GALNT13: variants seen among roughly 807,000 people sequenced by gnomAD.
GALNT13 encodes the protein polypeptide N-acetylgalactosaminyltransferase 13, also known as UDP-GalNAc:polypeptide N-acetylgalactosaminyltransferase 13.
Under a neutral mutation model 64.2 loss-of-function variants are expected in GALNT13, and 28 were observed. The ratio of observed to expected loss-of-function variants is 0.44; its 90% CI spans 0.32 to 0.60. The LOEUF is 0.60. GALNT13 is among the 20% of genes least tolerant of loss of function. GALNT13 has a pLI of 0.05. For synonymous variants in GALNT13, 214 were observed against 224.6 expected (o/e 0.95, Z 0.42); for missense variants, 577 against 669.8 (o/e 0.86, Z 1.53).
chr2:153,780,187 A>G, the GALNT13 span, among the ~76,000 whole-genome samples: 2 of 148,990 alleles, frequency 1.3e-5, no homozygotes, highest in East Asian at 4.1e-4. Flanking sequence ...CCTAGGTAAC[A>G]TAATCTTCTT....
the GALNT13 span, among the ~76,000 whole-genome samples, chr2:153,161,078 C>T: frequency 6.6e-6 from 1 of 152,176 alleles, no homozygotes; most frequent in African/African-American, 2.4e-5. Flanking sequence ...TTGTTCTAGA[C>T]TTATTCCAAC....
chr2:153,947,099 T>G (rs953180607), intron 3 of GALNT13, among the ~76,000 whole-genome samples: 1 of 152,076 alleles, frequency 6.6e-6, no homozygotes, highest in African/African-American at 2.4e-5. Flanking sequence ...GTCTAAATTT[T>G]AAACAATTCC....
At chr2:154,346,764 A>G (rs1420844560) in intron 9 of GALNT13, among the ~76,000 whole-genome samples, 1 of 152,118 alleles carries the variant, frequency 6.6e-6, no homozygotes, top group Non-Finnish European at 1.5e-5. Flanking sequence ...TTCACATAGA[A>G]CACTATATTC....
chr2:154,247,632 A>G (rs1689849864), intron 7 of GALNT13, among the ~76,000 whole-genome samples: 2 of 152,096 alleles, frequency 1.3e-5, no homozygotes, highest in African/African-American at 4.8e-5. Context: ...CTATGTAGAA[A>G]TCAATCATTA....
the GALNT13 span, among the ~76,000 whole-genome samples, chr2:153,631,953 A>T: frequency 6.6e-6 from 1 of 152,142 alleles, no homozygotes; most frequent in African/African-American, 2.4e-5. Flanking sequence ...TAAACCAATA[A>T]TATCAGTAGT....
chr2:153,643,887 A>C, the GALNT13 span, among the ~76,000 whole-genome samples: 2 of 151,994 alleles, frequency 1.3e-5, no homozygotes, highest in Non-Finnish European at 2.9e-5. Flanking sequence ...CTTCACTATA[A>C]AAAATTTTGG....
chr2:153,627,553 A>C, the GALNT13 span, among the ~76,000 whole-genome samples: 1 of 152,126 alleles, frequency 6.6e-6, no homozygotes, highest in Non-Finnish European at 1.5e-5. Flanking sequence ...TAATGTTCCC[A>C]ACACAACATA....
At chr2:153,288,496 G>A in the GALNT13 span, among the ~76,000 whole-genome samples, 14 of 152,224 alleles carry the variant, frequency 9.2e-5, no homozygotes, top group African/African-American at 2.4e-4. Flanking sequence ...GTCCCATTCC[G>A]TCCTGTCTGG....
At chr2:154,121,989 A>G (rs937986794) in intron 3 of GALNT13, among the ~76,000 whole-genome samples, 1 of 152,046 alleles carries the variant, frequency 6.6e-6, no homozygotes, top group Non-Finnish European at 1.5e-5. Context: ...TTTTGTAAAC[A>G]TTTTTATTCA....
chr2:153,379,945 A>G, the GALNT13 span, among the ~76,000 whole-genome samples: 1 of 152,184 alleles, frequency 6.6e-6, no homozygotes, highest in Non-Finnish European at 1.5e-5. Context: ...ATATTCTGGT[A>G]GAAAAAGGAA....
chr2:153,439,269 G>A, the GALNT13 span, among the ~76,000 whole-genome samples: 411 of 152,310 alleles, frequency 2.7e-3, 19 homozygotes, highest in East Asian at 0.073. Context: ...AGGTGTCAGG[G>A]ACCCACTTGA....
chr2:153,075,740 T>C, the GALNT13 span, among the ~76,000 whole-genome samples: 1 of 152,166 alleles, frequency 6.6e-6, no homozygotes, highest in East Asian at 1.9e-4. Context: ...CCTTGTGTCC[T>C]CCAGCTTATT....
the GALNT13 span, among the ~76,000 whole-genome samples, chr2:153,114,787 A>G: frequency 6.6e-6 from 1 of 152,084 alleles, no homozygotes; most frequent in Non-Finnish European, 1.5e-5. Context: ...GAGTTTACCA[A>G]TGAATTTCAA....
the GALNT13 span, among the ~76,000 whole-genome samples, chr2:153,132,008 C>A: frequency 1.5e-4 from 23 of 152,238 alleles, no homozygotes; most frequent in African/African-American, 5.5e-4. Context: ...GAGCCTTAGT[C>A]AATGATACAG....
the GALNT13 span, among the ~76,000 whole-genome samples, chr2:153,112,875 A>G: frequency 1.3e-4 from 20 of 152,098 alleles, no homozygotes; most frequent in African/African-American, 4.8e-4. Flanking sequence ...ATAAGAAGGC[A>G]TGGAAAACAA....
chr2:154,405,078 A>G (rs935779713), intron 10 of GALNT13, among the ~76,000 whole-genome samples: 13 of 152,310 alleles, frequency 8.5e-5, no homozygotes, highest in Admixed American at 3.3e-4. Flanking sequence ...GCACACCAGT[A>G]CTTTATGCTC....
chr2:154,154,329 T>G (rs1470987896), intron 4 of GALNT13, among the ~76,000 whole-genome samples: 1 of 152,204 alleles, frequency 6.6e-6, no homozygotes, highest in African/African-American at 2.4e-5. Flanking sequence ...ATGTGAGGCC[T>G]GTGAGAGGAG....
the GALNT13 span, among the ~76,000 whole-genome samples, chr2:153,238,782 T>C: frequency 1.3e-5 from 2 of 152,128 alleles, no homozygotes; most frequent in African/African-American, 2.4e-5. Context: ...ATGTGATTCC[T>C]CCAGTTTTGC....
chr2:153,804,510 G>A, the GALNT13 span, among the ~76,000 whole-genome samples: 9 of 152,162 alleles, frequency 5.9e-5, no homozygotes, highest in African/African-American at 1.7e-4. Context: ...TGAGTGAAAG[G>A]TGACAAAAGT....
Sources: allele counts gnomAD v4.1 joint callset (sites outside exome capture counted in the v4.1 genomes callset), GRCh38; gene constraint gnomAD v4.1.1; transcripts MANE v1.5; gene names NCBI Gene and HGNC (gene_info 2026-07-23, HGNC 2026-07-21).